BRAT1: variants seen among roughly 807,000 people sequenced by gnomAD.
BRAT1 encodes the protein integrator complex assembly factor BRAT1.
BRAT1 carries 74 observed loss-of-function variants against 70.6 expected under a neutral mutation model. The ratio of observed to expected loss-of-function variants is 1.05; its 90% CI spans 0.87 to 1.27. The LOEUF (loss-of-function observed/expected upper bound fraction) is 1.27. Ranked by LOEUF, BRAT1 falls within the 50% of genes most tolerant of loss-of-function variation. BRAT1 has a pLI of 0.00. For synonymous variants in BRAT1, 615 were observed against 517.1 expected, an observed-to-expected ratio of 1.19 and a Z score of -2.57; for missense variants, 1,203 against 1,098.2, an observed-to-expected ratio of 1.10 and a Z score of -1.35.
In BRAT1 at chr7:2,538,279, C is replaced by T. The variant is rs760637806; in HGVS notation, c.2256G>A (p.Leu752=). The T allele has an allele frequency of 6.2e-7, 1 of 1,611,928 alleles. No individual in the cohort carries two copies. The highest frequency in any genetic ancestry group is 1.3e-5 in the African/African-American group (1 of 75,046). The change falls in exon 14 of 14, where the codon CTG becomes CTA. Residue 752 remains leucine (L), a synonymous_variant. Transcript: ENST00000340611. ...SPNTASAEAT[L]PRWRAGEQAQ... ...CCTGCTCACCCGCCCGCCACCTCGG[C>T]AGGGTGGCCTCTGCGGAGGCAGTGT...
rs550200358 is a variant in BRAT1, at chr7:2,541,233, C to T, written c.1321+65G>A. ...AGGGACAGCAGTTCCCGGGTGCCTC[C>T]GAGCAGAAAGGAGAGTGGGGGCACA... On this transcript the variant is annotated intron_variant, in intron 9 of 13. Coordinates refer to ENST00000340611, the MANE Select transcript of BRAT1 (RefSeq NM_152743.4). 61 of 1,510,900 alleles carry T rather than the reference C, an allele frequency of 4.0e-5. No homozygotes were observed. The African/African-American group carries it at 4.7e-4, about 12-fold the overall frequency. 93.6% of individuals were successfully genotyped at this position (1,510,900 alleles called of 1,614,324 possible). A position where few individuals can be genotyped will look rare whatever the true frequency, so the allele number is the denominator to read the frequency against.
In BRAT1 at chr7:2,541,042, C is replaced by A. The variant is rs1193134503; in HGVS notation, c.1332G>T (p.Glu444Asp). The A allele has an allele frequency of 6.4e-7, 1 of 1,568,624 alleles. No homozygotes were observed. ...GTLSQGTGPQELVTQALAVLL... is the reference protein window; with the variant it reads ...GTLSQGTGPQDLVTQALAVLL... ...GGACAGCAAGCGCCTGCGTCACCAG[C>A]TCCTGGGGGCCTGAGACAGAGGTGA... is the stretch of plus-strand genomic sequence containing the variant. Residue 444 changes from glutamate to aspartate, a missense_variant, in exon 10 of 14, where the codon GAG (glutamate) becomes GAT (aspartate). By Grantham distance (45) the Glu-to-Asp change is conservative. Transcript: ENST00000340611.
intron 3 of BRAT1, among the ~76,000 whole-genome samples, chr7:2,546,229 C>T (rs930322654): frequency 6.6e-6 from 1 of 150,952 alleles, no homozygotes; most frequent in Admixed American, 6.6e-5. Context: ...TCGCTTGAGA[C>T]CAGGAGTTTG....
In BRAT1 at chr7:2,543,782, T is replaced by C. The variant is rs1253476895; in HGVS notation, c.611A>G (p.Glu204Gly). 6.2e-7 allele frequency: 1 copy of C among 1,612,280 alleles called. No homozygotes were observed. Among genetic ancestry groups the C allele is most frequent in the East Asian group, 2.2e-5 (1 of 44,848 alleles). ...CAQKIMDHVE[E>G]SLCSAATPKV... The stretch of plus-strand genomic sequence containing the variant: ...GGGGGTGGCCGCGGAGCACAAGGAC[T>C]CTTCAACGTGATCCATGATCTTCTG... Residue 204 changes from glutamate to glycine, a missense_variant, in exon 5 of 14, where the codon GAG becomes GGG. Transcript: ENST00000340611. This position sits in a 1 kb window ranked among gnomAD's most constrained non-coding sequence, Gnocchi z 5.5.
chr7:2,544,200 G>GTTTTTTTTTT lies in BRAT1; in HGVS notation c.431-248_431-239dup, dbSNP rs1172630697. On this transcript the variant is annotated intron_variant, in intron 4 of 13. Transcript: ENST00000340611. ...GCTTCCCAATTCGTTCCTTCTTGTT[G>GTTTTTTTTTT]TTTTTTTTTTTTTTTTTTTTGAGAC... 379 of 108,616 alleles carry GTTTTTTTTTT rather than the reference G, an allele frequency of 3.5e-3. 15 individuals are homozygous for GTTTTTTTTTT. Among genetic ancestry groups the GTTTTTTTTTT allele is most frequent in the East Asian group, 4.6e-3 (23 of 4,992 alleles). The allele number at this position is 108,616 out of a possible 1,614,324, so 6.7% of individuals were successfully genotyped here.
At chr7:2,539,002 A>G (rs1223649122) in intron 13 of BRAT1, 177 bp downstream of exon 13, 7 of 1,435,304 alleles carry the variant, frequency 4.9e-6, no homozygotes, top group Non-Finnish European at 1.8e-6. Context: ...CAGAAGGCGA[A>G]GCGCACAGGT....
chr7:2,542,351 G>C, intron 6 of BRAT1, 140 bp from the exon 7 acceptor site: 2 of 709,520 alleles, frequency 2.8e-6, no homozygotes, highest in South Asian at 3.4e-5. Context: ...CAGGCCACTG[G>C]CCAGGGGATG....
intron 4 of BRAT1, 192 bp from the exon 5 acceptor site, chr7:2,544,154 T>TA (rs1339987606): frequency 6.6e-6 from 3 of 451,680 alleles, no homozygotes; most frequent in Non-Finnish European, 1.2e-5. Context: ...CCCCGAGCGT[T>TA]AAACACACAC....
intron 10 of BRAT1, chr7:2,540,745 C>A (rs1166658841): frequency 2.3e-6 from 1 of 432,724 alleles, no homozygotes; most frequent in East Asian, 3.6e-5. Flanking sequence ...CTGACCAGTG[C>A]CCCTGCTCCC....
chr7:2,545,496 CTTT>C (rs71550356), intron 3 of BRAT1, among the ~76,000 whole-genome samples: 3 of 130,018 alleles, frequency 2.3e-5, no homozygotes, highest in Non-Finnish European at 3.2e-5. Context: ...CTTTCTTCTT[CTTT>C]TTTTTTTTTT....
chr7:2,541,516 C>T (rs376165526), intron 8 of BRAT1, 32 bp from the exon 9 acceptor site: 21 of 1,511,986 alleles, frequency 1.4e-5, no homozygotes, highest in Non-Finnish European at 1.6e-5. Flanking sequence ...GCCAAGGTTG[C>T]GGTCCCACTG....
At chr7:2,545,906 T>C (rs1369226944) in intron 3 of BRAT1, among the ~76,000 whole-genome samples, 3 of 152,220 alleles carry the variant, frequency 2.0e-5, no homozygotes, top group African/African-American at 7.2e-5. Context: ...CTGGGTGGGC[T>C]GCTAGGGAGC....
At position 2,543,820 on chromosome 7, in the gene BRAT1, C is replaced by T. The variant is rs781296902; in HGVS notation, c.573G>A (p.Trp191Ter). The T allele has an allele frequency of 2.5e-6, 4 of 1,612,936 alleles. No individual in the cohort carries two copies. The highest frequency in any genetic ancestry group is 3.4e-6 in the Non-Finnish European group (4 of 1,179,896). The change falls in exon 5 of 14, where the codon TGG becomes TGA. Residue 191 changes from tryptophan to a stop codon, truncating the protein, a stop_gained. Coordinates refer to ENST00000340611, the MANE Select transcript of BRAT1 (RefSeq NM_152743.4). LOFTEE classifies it high-confidence loss of function. This position sits in a 1 kb window ranked among gnomAD's most constrained non-coding sequence, Gnocchi z 5.5. ...EGQPCLPGGD[W>*]PACAQKIMDH... ...CCATGATCTTCTGGGCACACGCGGG[C>T]CAGTCACCCCCCGGCAGGCAGGGCT...
At position 2,539,360 on chromosome 7, in the gene BRAT1, C is replaced by G. The variant is rs754104895; in HGVS notation, c.1598-9G>C. The stretch of plus-strand genomic sequence containing the variant: ...TCTGAAGTCAGCCTGTCCTGGGGGT[C>G]GAAACGGCCACATGCAGCTGTGACT... On this transcript the variant is annotated splice_polypyrimidine_tract_variant and intron_variant, in intron 12 of 13. Transcript: ENST00000340611. The G allele has an allele frequency of 1.9e-6, 3 of 1,596,940 alleles. No individual in the cohort carries two copies. The highest frequency in any genetic ancestry group is 2.7e-5 in the African/African-American group (2 of 74,580).
In BRAT1 at chr7:2,539,258, C is replaced by G. The variant is rs773268982; in HGVS notation, c.1691G>C (p.Ser564Thr). 5 of 1,611,580 alleles carry G rather than the reference C, an allele frequency of 3.1e-6. No individual in the cohort carries two copies. In the African/African-American group the frequency reaches 5.3e-5, roughly 17 times the overall value. ...LQDPESYVRA[S>T]AVTAMGQLSS... is the part of the protein sequence containing the mutation. Reference sequence around the variant, plus strand: ...CAGCTGCCCCATGGCGGTCACTGCACTCGCTCGGACATAACTCTCAGGGTC... The same window carrying G: ...CAGCTGCCCCATGGCGGTCACTGCAGTCGCTCGGACATAACTCTCAGGGTC... Residue 564 changes from serine to threonine, a missense_variant, in exon 13 of 14, where the codon AGT (serine) becomes ACT (threonine). Transcript: ENST00000340611.
chr7:2,541,516 C>A (rs376165526), intron 8 of BRAT1, 32 bp from the exon 9 acceptor site: 1 of 1,512,104 alleles, frequency 6.6e-7, no homozygotes, highest in Non-Finnish European at 8.9e-7. Flanking sequence ...GCCAAGGTTG[C>A]GGTCCCACTG....
chr7:2,554,578 C>T (rs1780272577), intron 1 of BRAT1, 131 bp from the exon 2 acceptor site: 2 of 1,142,394 alleles, frequency 1.8e-6, no homozygotes, highest in Non-Finnish European at 1.2e-6. Flanking sequence ...CCAGGAGAAC[C>T]ATGATCCCCA....
chr7:2,539,148 G>A (rs1245073673), intron 13 of BRAT1, 31 bp downstream of exon 13: 3 of 1,574,094 alleles, frequency 1.9e-6, no homozygotes, highest in African/African-American at 2.7e-5. Context: ...CCAGGCGGGA[G>A]TTGCTGGCTG....
rs1562566287 is a variant in BRAT1 at position 2,538,722 on chromosome 7, C to G, written c.1813G>C (p.Glu605Gln). The part of the protein sequence containing the change: ...ELLHILSVDS[E>Q]GFPRRAVMQV... ...ATGACCGCCCGCCGTGGGAAGCCCT[C>G]CGAGTCTACGGAGAGGATGTGCAGG... The change falls in exon 14 of 14, where the codon GAG becomes CAG. Residue 605 changes from glutamate (E) to glutamine (Q), a missense_variant. Glu to Gln is a conservative substitution (Grantham distance 29). Transcript: ENST00000340611. 1 of 1,598,466 alleles carries G rather than the reference C, an allele frequency of 6.3e-7. No homozygotes were observed. Among genetic ancestry groups the G allele is most frequent in the Admixed American group, 1.7e-5 (1 of 60,020 alleles).
Sources: gnomAD v4.1 joint callset for allele counts (sites outside exome capture counted in the v4.1 genomes callset) on GRCh38, gnomAD v4.1.1 for gene constraint, Gnocchi (gnomAD v3.1) non-coding constraint, MANE v1.5 for transcripts, NCBI Gene and HGNC (gene_info 2026-07-23, HGNC 2026-07-21) for gene names.